ZFYVE26: variants seen among roughly 807,000 people sequenced by gnomAD.
The protein encoded by ZFYVE26 is zinc finger FYVE domain-containing protein 26.
Under a neutral mutation model 276.5 loss-of-function variants are expected in ZFYVE26, and 181 were observed. The ratio of observed to expected loss-of-function variants is 0.65; its 90% CI spans 0.58 to 0.74. The LOEUF (loss-of-function observed/expected upper bound fraction) is 0.74, where lower values mean the gene tolerates loss of function less well. ZFYVE26 is among the 30% of genes least tolerant of loss of function. The pLI is 0.00. For missense variants in ZFYVE26, 2,821 were observed against 3,097.9 expected, an observed-to-expected ratio of 0.91 and a Z score of 2.12; for synonymous variants, 1,129 against 1,203.1, an observed-to-expected ratio of 0.94 and a Z score of 1.27.
chr14:67,770,608 C>G (rs962874459), intron 28 of ZFYVE26: 2 of 152,010 alleles, frequency 1.3e-5, no homozygotes, highest in African/African-American at 4.8e-5. Context: ...CATCCATATT[C>G]TGATGTGTGT....
chr14:67,793,602 C>T lies in ZFYVE26; in HGVS notation c.2553+6G>A, dbSNP rs780036581. Reference sequence around the variant, plus strand: ...CAGGGGCTGAAAAGGTATGGCCTCCCCTCACCTGATGGGCTTCTGCGAAGT... The same window carrying T: ...CAGGGGCTGAAAAGGTATGGCCTCCTCTCACCTGATGGGCTTCTGCGAAGT... On this transcript the variant is annotated splice_donor_region_variant and intron_variant, in intron 14 of 41. Transcript: ENST00000347230. 2.5e-6 allele frequency: 4 copies of T among 1,613,194 alleles called. No individual in the cohort carries two copies. The South Asian group carries it at 3.3e-5, about 13-fold the overall frequency.
At position 67,783,186 on chromosome 14, in the gene ZFYVE26, C is replaced by T. The variant is rs773369430; in HGVS notation, c.3966G>A (p.Gly1322=). The change falls in exon 21 of 42, where the codon GGG becomes GGA. Residue 1322 remains glycine, a synonymous_variant. Coordinates refer to ENST00000347230, the MANE Select transcript of ZFYVE26 (RefSeq NM_015346.4). ...TGCTGACCTTTAACCTCGGGGAAGC[C>T]CCCAGGCAGGCCACCGTAGCTAGGA... ...SKLLATVACL[G]ASPRLKVSKP... The T allele has an allele frequency of 6.2e-7, 1 of 1,611,286 alleles. No homozygotes were observed.
chr14:67,807,764 G>C lies in ZFYVE26; in HGVS notation c.520C>G (p.Leu174Val), dbSNP rs767276252. The C allele has an allele frequency of 2.7e-5, 44 of 1,614,092 alleles. No homozygotes were observed. Among genetic ancestry groups the C allele is most frequent in the Admixed American group, 5.0e-5 (3 of 60,010 alleles). Reference sequence around the variant, plus strand: ...GTACCGTCATCCTCCTCAAGCAGGAGCTCCAGCAGGGCCTGTGCTGGCTGG... The same window carrying C: ...GTACCGTCATCCTCCTCAAGCAGGACCTCCAGCAGGGCCTGTGCTGGCTGG... Reference protein sequence around the residue: ...SPQPAQALLELLLEEDDGTGL... With the variant: ...SPQPAQALLEVLLEEDDGTGL... Residue 174 changes from leucine (L) to valine (V), a missense_variant, in exon 5 of 42, where the codon CTC becomes GTC. Physicochemically the swap from Leu to Val is conservative, Grantham distance 32. Coordinates refer to ENST00000347230, the MANE Select transcript of ZFYVE26 (RefSeq NM_015346.4).
At chr14:67,769,829 T>C (rs1163291584) in intron 28 of ZFYVE26, 99 bp from the exon 29 acceptor site, 1 of 1,536,272 alleles carries the variant, frequency 6.5e-7, no homozygotes, top group African/African-American at 1.4e-5. Context: ...TGGCTTATAC[T>C]TTCTAAGAAC....
intron 27 of ZFYVE26, among the ~76,000 whole-genome samples, chr14:67,772,901 T>C (rs953607143): frequency 1.3e-5 from 2 of 151,812 alleles, no homozygotes; most frequent in Non-Finnish European, 2.9e-5. Flanking sequence ...TTCAAGGTTA[T>C]AGTAGCCATG....
At chr14:67,781,094 T>C (rs1005542597) in intron 22 of ZFYVE26, among the ~76,000 whole-genome samples, 1 of 152,194 alleles carries the variant, frequency 6.6e-6, no homozygotes, top group Admixed American at 6.5e-5. Flanking sequence ...ACCATTCCAA[T>C]GTTAATTTTG....
intron 10 of ZFYVE26, 83 bp from the exon 11 acceptor site, chr14:67,798,705 A>G: frequency 6.4e-7 from 1 of 1,569,990 alleles, no homozygotes; most frequent in Non-Finnish European, 8.7e-7. Context: ...TCCCAGCGTC[A>G]AACATTCTCG....
intron 35 of ZFYVE26, 180 bp from the exon 36 acceptor site, chr14:67,756,325 C>T: frequency 1.4e-6 from 1 of 708,150 alleles, no homozygotes; most frequent in East Asian, 2.7e-5. Flanking sequence ...CTTCACTTCT[C>T]TCCTTCCTTT....
chr14:67,783,249 G>A lies in ZFYVE26; in HGVS notation c.3903C>T (p.Thr1301=), dbSNP rs1342222658. 3 of 1,614,046 alleles carry A rather than the reference G, an allele frequency of 1.9e-6. No homozygotes were observed. Among genetic ancestry groups the A allele is most frequent in the Admixed American group, 1.7e-5 (1 of 60,020 alleles). ...ACTTAAGAAAGGCCAAGGCAGAGGA[G>A]GTGAGGGCTGGGAGTGATGAGTCCC... ...SPRDSSLPAL[T]SSALAFLKSR... The change falls in exon 21 of 42, where the codon ACC becomes ACT. Residue 1301 remains threonine, a synonymous_variant. Coordinates refer to ENST00000347230, the MANE Select transcript of ZFYVE26 (RefSeq NM_015346.4).
chr14:67,790,222 C>T (rs935827088), intron 15 of ZFYVE26, among the ~76,000 whole-genome samples: 18 of 152,234 alleles, frequency 1.2e-4, no homozygotes, highest in African/African-American at 3.9e-4. Context: ...AAACAATATG[C>T]TTTATCCCTG....
intron 13 of ZFYVE26, among the ~76,000 whole-genome samples, chr14:67,735,926 T>C (rs896955751): frequency 6.6e-6 from 1 of 152,228 alleles, no homozygotes. Flanking sequence ...ACAGATTACC[T>C]TGGGTGGCAC....
Position 67,767,788 on chromosome 14 carries a change from G to T in ZFYVE26, c.5706C>A (p.Val1902=), listed in dbSNP as rs1251746638. The part of the protein sequence containing the change: ...ESPPYSFVVR[V]PKADEVEWIL... The stretch of plus-strand genomic sequence containing the variant: ...TCCATTCCACCTCATCTGCTTTGGG[G>T]ACTCTCACCACAAACGAGTATGGAG... The change falls in exon 31 of 42, where the codon GTC becomes GTA. Residue 1902 remains valine, a synonymous_variant. Coordinates refer to ENST00000347230, the MANE Select transcript of ZFYVE26 (RefSeq NM_015346.4). The T allele has an allele frequency of 6.2e-7, 1 of 1,614,022 alleles. No individual in the cohort carries two copies. The highest frequency in any genetic ancestry group is 8.5e-7 in the Non-Finnish European group (1 of 1,180,030).
At chr14:67,807,020 T>G (rs1163879155) in intron 5 of ZFYVE26, among the ~76,000 whole-genome samples, 1 of 152,188 alleles carries the variant, frequency 6.6e-6, no homozygotes, top group Admixed American at 6.5e-5. Flanking sequence ...AGCCTCCACC[T>G]CCTGGGCTCA....
intron 27 of ZFYVE26, 31 bp from the exon 28 acceptor site, chr14:67,772,241 A>G (rs1198196574): frequency 6.2e-7 from 1 of 1,606,110 alleles, no homozygotes; most frequent in Non-Finnish European, 8.5e-7. Context: ...TCAGAGTAAA[A>G]GGTAATCAAT....
chr14:67,733,781 G>A (rs2038316575), intron 13 of ZFYVE26: 6 of 1,613,262 alleles, frequency 3.7e-6, no homozygotes, highest in Admixed American at 1.7e-5. Flanking sequence ...CCAAGGGCCC[G>A]AAATAACAAA....
Position 67,769,713 on chromosome 14 carries a change from A to G in ZFYVE26, c.5502T>C (p.His1834=). ...EHFTMFNRRH[H]CRRCGRLVCS... Reference sequence around the variant, plus strand: ...ACACTAGCCGGCCACAGCGGCGACAATGATGACGCCTGTTAAACTGAGGAA... The same window carrying G: ...ACACTAGCCGGCCACAGCGGCGACAGTGATGACGCCTGTTAAACTGAGGAA... The change falls in exon 29 of 42, where the codon CAT becomes CAC. Residue 1834 remains histidine (H), a synonymous_variant. Transcript: ENST00000347230. 6.2e-7 allele frequency: 1 copy of G among 1,614,112 alleles called. No homozygotes were observed. The highest frequency in any genetic ancestry group is 8.5e-7 in the Non-Finnish European group (1 of 1,180,010).
chr14:67,778,099 G>A, intron 24 of ZFYVE26, 27 bp downstream of exon 24: 1 of 1,614,014 alleles, frequency 6.2e-7, no homozygotes, highest in Non-Finnish European at 8.5e-7. Context: ...CACCCCAGAA[G>A]AAAAATGGAA....
Position 67,761,393 on chromosome 14 carries a change from C to T in ZFYVE26, c.6561G>A (p.Arg2187=), listed in dbSNP as rs1265067205. The T allele has an allele frequency of 6.2e-7, 1 of 1,613,484 alleles. No individual in the cohort carries two copies. The highest frequency in any genetic ancestry group is 8.5e-7 in the Non-Finnish European group (1 of 1,179,786). ...ISFYVRHSCL[R]EALLHLLNKE... Reference sequence around the variant, plus strand: ...TGTTGAGAAGGTGCAGAAGAGCTTCCCGCAGGCAGCTGTGCCTCACGTAGA... The same window carrying T: ...TGTTGAGAAGGTGCAGAAGAGCTTCTCGCAGGCAGCTGTGCCTCACGTAGA... Residue 2187 remains arginine (R), a synonymous_variant, in exon 35 of 42, where the codon CGG becomes CGA. Transcript: ENST00000347230.
Position 67,805,620 on chromosome 14 carries a change from T to G in ZFYVE26, c.1018-2A>C. Reference sequence around the variant, plus strand: ...TTTCAACAATGTTAGTGCTGTTACCTGTAAGTCAAAGAAAGCTGTTATAGG... The same window carrying G: ...TTTCAACAATGTTAGTGCTGTTACCGGTAAGTCAAAGAAAGCTGTTATAGG... On this transcript the variant is annotated splice_acceptor_variant, in intron 6 of 41. Transcript: ENST00000347230. LOFTEE classifies it high-confidence loss of function. 1 of 1,613,726 alleles carries G rather than the reference T, an allele frequency of 6.2e-7. No homozygotes were observed. The highest frequency in any genetic ancestry group is 8.5e-7 in the Non-Finnish European group (1 of 1,180,014).
Sources: allele counts gnomAD v4.1 joint callset (sites outside exome capture counted in the v4.1 genomes callset), GRCh38; gene constraint gnomAD v4.1.1; transcripts MANE v1.5; gene names NCBI Gene and HGNC (gene_info 2026-07-23, HGNC 2026-07-21).